ZBTB20: variants seen among roughly 807,000 people sequenced by gnomAD.
ZBTB20 encodes zinc finger and BTB domain-containing protein 20.
Under a neutral mutation model 56.9 loss-of-function variants are expected in ZBTB20, and 9 were observed. The observed-to-expected ratio is 0.16, with a 90% CI of 0.10 to 0.28. ZBTB20 has a LOEUF of 0.28. Ranked by LOEUF, ZBTB20 falls within the 10% of genes least tolerant of loss-of-function variation. The pLI is 1.00. For missense variants in ZBTB20, 655 were observed against 1,003.0 expected (o/e 0.65, Z 4.69); for synonymous variants, 417 against 420.7 (o/e 0.99, Z 0.11).
intron 1 of ZBTB20, among the ~76,000 whole-genome samples, chr3:115,109,141 C>T (rs543635163): frequency 6.6e-6 from 1 of 152,236 alleles, no homozygotes; most frequent in Non-Finnish European, 1.5e-5. Context: ...CTGGTCAATC[C>T]TCTCTACTAA....
chr3:114,744,317 T>G (rs2066864656), intron 5 of ZBTB20, among the ~76,000 whole-genome samples: 1 of 152,142 alleles, frequency 6.6e-6, no homozygotes, highest in Non-Finnish European at 1.5e-5. Flanking sequence ...CACTTTCGAT[T>G]ATTGCAATGG....
intron 1 of ZBTB20, among the ~76,000 whole-genome samples, chr3:115,146,472 A>G (rs2084977753): frequency 6.6e-6 from 1 of 152,166 alleles, no homozygotes. Context: ...AGAACCTTCC[A>G]ACCATTTTTA....
chr3:114,783,663 C>T lies in ZBTB20; in HGVS notation c.-343+17438G>A, dbSNP rs139965753. On this transcript the variant is annotated intron_variant, in intron 5 of 11. Coordinates refer to ENST00000675478, the MANE Select transcript of ZBTB20 (RefSeq NM_001348800.3). ...AGAAAAATTAGCTGGGCTGGTGACA[C>T]GTGCCTGTAATCCCAGCTACTCAGG... Among the ~76,000 whole-genome samples the T allele has an allele frequency of 9.3e-4, 141 of 151,852 alleles. 2 individuals are homozygous for T. The East Asian group carries it at 0.023, about 25-fold the overall frequency.
intron 5 of ZBTB20, among the ~76,000 whole-genome samples, chr3:114,698,241 T>C (rs1447633521): frequency 6.6e-6 from 1 of 152,106 alleles, no homozygotes; most frequent in African/African-American, 2.4e-5. Flanking sequence ...TTTAAATATA[T>C]CACTATTTTA....
At chr3:114,820,903 G>C (rs6791953) in intron 4 of ZBTB20, among the ~76,000 whole-genome samples, 21,216 of 151,930 alleles carry the variant, frequency 0.14, 1,950 homozygotes, top group African/African-American at 0.26. Context: ...TACCTACATT[G>C]CTAATATTAA....
At chr3:114,941,862 G>C (rs1407878437) in intron 3 of ZBTB20, among the ~76,000 whole-genome samples, 1 of 145,988 alleles carries the variant, frequency 6.8e-6, no homozygotes, top group African/African-American at 2.8e-5. Flanking sequence ...ATCTGCTGAT[G>C]CTTGTTTTAC....
Position 114,948,577 on chromosome 3 carries a change from T to C in ZBTB20, c.-456+25789A>G, listed in dbSNP as rs1027661257. On this transcript the variant is annotated intron_variant, in intron 3 of 11. Coordinates refer to ENST00000675478, the MANE Select transcript of ZBTB20 (RefSeq NM_001348800.3). ...TAATAAGTAAATTTAGCAAGATTCCTGGCCAAGGTGAATCTCTCTCTCTCC... is the reference window on the plus strand; with the variant it reads ...TAATAAGTAAATTTAGCAAGATTCCCGGCCAAGGTGAATCTCTCTCTCTCC... 1.4e-5 allele frequency among the ~76,000 whole-genome samples: 2 copies of C among 146,060 alleles called. 1 individual carries two copies. The highest frequency in any genetic ancestry group is 5.6e-5 in the African/African-American group (2 of 35,864).
intron 1 of ZBTB20, among the ~76,000 whole-genome samples, chr3:115,107,987 C>T (rs1560578110): frequency 6.6e-6 from 1 of 151,966 alleles, no homozygotes; most frequent in Non-Finnish European, 1.5e-5. Flanking sequence ...GGCCTGTCGG[C>T]GGGTGGGGGG....
intron 7 of ZBTB20, among the ~76,000 whole-genome samples, chr3:114,444,936 G>T (rs1352746684): frequency 6.6e-6 from 1 of 151,946 alleles, no homozygotes; most frequent in African/African-American, 2.4e-5. Context: ...AATTCTACAT[G>T]GTCCTCGACC....
At chr3:115,133,492 A>T (rs567955430) in intron 1 of ZBTB20, among the ~76,000 whole-genome samples, 19 of 152,036 alleles carry the variant, frequency 1.2e-4, no homozygotes, top group African/African-American at 4.1e-4. Context: ...CATTCTCATC[A>T]CTCCAAAAGG....
At chr3:114,453,715 G>A (rs2091786120) in intron 7 of ZBTB20, 1 of 152,024 alleles carries the variant, frequency 6.6e-6, no homozygotes. Context: ...GGAGAAAAGA[G>A]CAACATATGC....
intron 5 of ZBTB20, chr3:114,758,845 C>T (rs1413786964): frequency 1.3e-5 from 2 of 152,116 alleles, no homozygotes; most frequent in African/African-American, 2.4e-5. Context: ...CTTATCTTTC[C>T]TTTGCTTTCC....
At chr3:114,588,164 C>T (rs1171679160) in intron 6 of ZBTB20, among the ~76,000 whole-genome samples, 2 of 152,192 alleles carry the variant, frequency 1.3e-5, no homozygotes, top group African/African-American at 4.8e-5. Context: ...AAGGGGCGGA[C>T]AGCTTTCTTA....
intron 4 of ZBTB20, among the ~76,000 whole-genome samples, chr3:114,881,638 A>G (rs2076400791): frequency 6.6e-6 from 1 of 151,902 alleles, no homozygotes; most frequent in Non-Finnish European, 1.5e-5. Context: ...CCAAGAATAG[A>G]CATCAGGGAT....
At chr3:114,538,897 T>C (rs568348056) in intron 6 of ZBTB20, among the ~76,000 whole-genome samples, 1 of 152,308 alleles carries the variant, frequency 6.6e-6, no homozygotes, top group East Asian at 1.9e-4. Context: ...CTCCATGACT[T>C]GAGCACATGC....
At position 114,412,475 on chromosome 3, in the gene ZBTB20, G is replaced by C. The variant is rs543406178; in HGVS notation, c.-254-23370C>G. On this transcript the variant is annotated intron_variant, in intron 7 of 11. Transcript: ENST00000675478. ...AGGATCTCCCATCTCAGTGTGACTGGGTGTATCGCTCACTCAAACCTGAAG... is the reference window on the plus strand; with the variant it reads ...AGGATCTCCCATCTCAGTGTGACTGCGTGTATCGCTCACTCAAACCTGAAG... Among the ~76,000 whole-genome samples, 18 of 152,170 alleles carry C rather than the reference G, an allele frequency of 1.2e-4. 1 individual carries two copies. Among genetic ancestry groups the C allele is most frequent in the African/African-American group, 4.1e-4 (17 of 41,520 alleles).
At chr3:114,368,270 A>C (rs1018561766) in intron 10 of ZBTB20, among the ~76,000 whole-genome samples, 1 of 152,232 alleles carries the variant, frequency 6.6e-6, no homozygotes, top group Non-Finnish European at 1.5e-5. Context: ...AGTTCATGTT[A>C]AAAAGAGCAA....
At chr3:114,404,072 T>C (rs1401560511) in intron 7 of ZBTB20, among the ~76,000 whole-genome samples, 1 of 152,222 alleles carries the variant, frequency 6.6e-6, no homozygotes, top group East Asian at 1.9e-4. Context: ...TCCGTGCCTA[T>C]GCAGTTTGCA....
intron 5 of ZBTB20, among the ~76,000 whole-genome samples, chr3:114,734,948 C>T (rs1018318272): frequency 6.6e-6 from 1 of 152,036 alleles, no homozygotes; most frequent in Admixed American, 6.6e-5. Flanking sequence ...AGAAAACCCA[C>T]TACCCAGAGA....
Sources: gnomAD v4.1 joint callset for allele counts (sites outside exome capture counted in the v4.1 genomes callset) on GRCh38, gnomAD v4.1.1 for gene constraint, MANE v1.5 for transcripts, NCBI Gene and HGNC (gene_info 2026-07-23, HGNC 2026-07-21) for gene names.